PTPRM: variants seen among roughly 807,000 people sequenced by gnomAD.
The protein encoded by PTPRM is receptor-type tyrosine-protein phosphatase mu.
PTPRM carries 47 observed loss-of-function variants against 186.7 expected under a neutral mutation model. That is an observed-to-expected ratio of 0.25 (90% CI 0.20 to 0.32). The LOEUF (loss-of-function observed/expected upper bound fraction) is 0.32. PTPRM is among the 10% of genes least tolerant of loss of function. The pLI, the probability that PTPRM is intolerant of heterozygous loss-of-function variation, is 1.00. For missense variants in PTPRM, 1,494 were observed against 1,865.0 expected, an observed-to-expected ratio of 0.80 and a Z score of 3.66; for synonymous variants, 668 against 674.9, an observed-to-expected ratio of 0.99 and a Z score of 0.16.
At chr18:8,223,332 T>C (rs1171521623) in intron 14 of PTPRM, among the ~76,000 whole-genome samples, 1 of 152,212 alleles carries the variant, frequency 6.6e-6, no homozygotes, top group Admixed American at 6.5e-5. Context: ...AATTCTTGTG[T>C]CTTATCAAAA....
intron 23 of PTPRM, among the ~76,000 whole-genome samples, chr18:8,360,260 A>C (rs1220500741): frequency 6.6e-6 from 1 of 152,200 alleles, no homozygotes; most frequent in Non-Finnish European, 1.5e-5. Context: ...TTTTTCACTG[A>C]AAGTGCCTGC....
intron 1 of PTPRM, among the ~76,000 whole-genome samples, chr18:7,636,942 C>T (rs987375210): frequency 1.3e-5 from 2 of 151,970 alleles, no homozygotes; most frequent in Non-Finnish European, 2.9e-5. Context: ...CCTAGGCTGG[C>T]AGATGACATG....
intron 1 of PTPRM, among the ~76,000 whole-genome samples, chr18:7,746,776 C>T (rs1266707460): frequency 6.6e-6 from 1 of 152,156 alleles, no homozygotes; most frequent in African/African-American, 2.4e-5. Flanking sequence ...CCATCATAGT[C>T]TTGACAGTAG....
intron 23 of PTPRM, among the ~76,000 whole-genome samples, chr18:8,366,307 C>A (rs1286441581): frequency 1.3e-5 from 2 of 152,204 alleles, no homozygotes; most frequent in Non-Finnish European, 2.9e-5. Flanking sequence ...TCCTTGCTAC[C>A]CACAGTGTGG....
At chr18:8,397,640 A>G (rs2095851563) in intron 32 of PTPRM, among the ~76,000 whole-genome samples, 1 of 152,124 alleles carries the variant, frequency 6.6e-6, no homozygotes, top group Non-Finnish European at 1.5e-5. Flanking sequence ...TCCCCAGAGG[A>G]TGGACAAGGA....
chr18:7,917,057 T>G (rs2050601976), intron 4 of PTPRM, among the ~76,000 whole-genome samples: 1 of 152,180 alleles, frequency 6.6e-6, no homozygotes, highest in African/African-American at 2.4e-5. Flanking sequence ...TGCCTGGCTT[T>G]TATCACTTAA....
chr18:7,840,718 G>A (rs1020264459), intron 2 of PTPRM, among the ~76,000 whole-genome samples: 4 of 152,122 alleles, frequency 2.6e-5, no homozygotes, highest in African/African-American at 4.8e-5. Flanking sequence ...AGGATGAATT[G>A]GCTTTATGTA....
chr18:7,989,725 C>G (rs1568141754), intron 7 of PTPRM, among the ~76,000 whole-genome samples: 1 of 152,156 alleles, frequency 6.6e-6, no homozygotes, highest in Non-Finnish European at 1.5e-5. Context: ...TACTTCCTCA[C>G]ACTTTCTATA....
intron 1 of PTPRM, among the ~76,000 whole-genome samples, chr18:7,642,982 G>A (rs1228788541): frequency 6.6e-6 from 1 of 151,650 alleles, no homozygotes; most frequent in Non-Finnish European, 1.5e-5. Flanking sequence ...TCATTTGCAG[G>A]TTTTATAAAA....
At chr18:7,979,588 T>A (rs2082435820) in intron 7 of PTPRM, among the ~76,000 whole-genome samples, 1 of 152,224 alleles carries the variant, frequency 6.6e-6, no homozygotes, top group South Asian at 2.1e-4. Flanking sequence ...GAGCTCATAA[T>A]ATGTATTTGC....
At chr18:8,327,639 T>C (rs1165244153) in intron 22 of PTPRM, among the ~76,000 whole-genome samples, 1 of 152,236 alleles carries the variant, frequency 6.6e-6, no homozygotes, top group Non-Finnish European at 1.5e-5. Flanking sequence ...ATGGCTCATG[T>C]TGGCCCGGCA....
chr18:7,808,489 A>G (rs1017071459), intron 2 of PTPRM, among the ~76,000 whole-genome samples: 4 of 152,250 alleles, frequency 2.6e-5, no homozygotes, highest in Non-Finnish European at 4.4e-5. Context: ...TGTGGAAAAC[A>G]TAGCCTGCCT....
At chr18:7,583,708 G>A (rs562732311) in intron 1 of PTPRM, among the ~76,000 whole-genome samples, 1 of 152,302 alleles carries the variant, frequency 6.6e-6, no homozygotes, top group Non-Finnish European at 1.5e-5. Context: ...GCAGAATGTT[G>A]TCTTTTCTCT....
At chr18:8,195,039 C>G (rs1196175529) in intron 14 of PTPRM, among the ~76,000 whole-genome samples, 1 of 151,698 alleles carries the variant, frequency 6.6e-6, no homozygotes, top group African/African-American at 2.4e-5. Flanking sequence ...ACCCTGAGGA[C>G]AACATTCTGC....
chr18:7,843,985 C>T (rs191621628), intron 2 of PTPRM, among the ~76,000 whole-genome samples: 288 of 152,234 alleles, frequency 1.9e-3, no homozygotes, highest in African/African-American at 6.4e-3. Flanking sequence ...GTCTGGGATT[C>T]CTCACAACAT....
intron 1 of PTPRM, among the ~76,000 whole-genome samples, chr18:7,582,523 T>C (rs1199418268): frequency 6.6e-6 from 1 of 152,166 alleles, no homozygotes; most frequent in Non-Finnish European, 1.5e-5. Flanking sequence ...TAGTCCTCAC[T>C]CCTTGGTATG....
At chr18:8,208,261 G>A (rs1206500268) in intron 14 of PTPRM, among the ~76,000 whole-genome samples, 2 of 152,198 alleles carry the variant, frequency 1.3e-5, no homozygotes, top group African/African-American at 4.8e-5. Context: ...CTAGTGCACA[G>A]GTACATGCTG....
In PTPRM at chr18:8,101,416, G is replaced by A. The variant is rs190094439; in HGVS notation, c.1857-12070G>A. Among the ~76,000 whole-genome samples, 8 of 152,228 alleles carry A rather than the reference G, an allele frequency of 5.3e-5. No individual in the cohort carries two copies. The East Asian group carries it at 1.4e-3, about 26-fold the overall frequency. ...ATAACATGGTAGCCCCTTTTATTCT[G>A]CCTATGTCTTGGGAAATTTTCTGGG... On this transcript the variant is annotated intron_variant, in intron 11 of 32. Coordinates refer to ENST00000580170, the MANE Select transcript of PTPRM (RefSeq NM_001105244.2).
At chr18:8,383,343 TC>T (rs2095750999) in intron 29 of PTPRM, among the ~76,000 whole-genome samples, 1 of 92,438 alleles carries the variant, frequency 1.1e-5, no homozygotes, top group Admixed American at 1.1e-4. Flanking sequence ...TAGATGCTAC[TC>T]AAAAAAAAGT....
Sources: gnomAD v4.1 joint callset for allele counts (sites outside exome capture counted in the v4.1 genomes callset) on GRCh38, gnomAD v4.1.1 for gene constraint, MANE v1.5 for transcripts, NCBI Gene and HGNC (gene_info 2026-07-23, HGNC 2026-07-21) for gene names.